Variants in ADGRV1 observed in about 807,000 individuals in gnomAD.
ADGRV1 encodes the protein G-protein coupled receptor 98.
Under a neutral mutation model 596.2 loss-of-function variants are expected in ADGRV1, and 359 were observed. The observed-to-expected ratio is 0.60, with a 90% CI of 0.55 to 0.66. The LOEUF (loss-of-function observed/expected upper bound fraction) is 0.66. Ranked by LOEUF, ADGRV1 falls within the 30% of genes least tolerant of loss-of-function variation. The pLI is 0.00. For synonymous variants in ADGRV1, 2,681 were observed against 2,679.2 expected (o/e 1.00, Z -0.02); for missense variants, 7,274 against 7,575.6 (o/e 0.96, Z 1.48).
chr5:90,980,391 A>C (rs1376248632), intron 84 of ADGRV1, among the ~76,000 whole-genome samples: 1 of 152,184 alleles, frequency 6.6e-6, no homozygotes, highest in Non-Finnish European at 1.5e-5. Context: ...TGTTTAAATG[A>C]CCTTAATGCT....
At position 90,704,216 on chromosome 5, in the gene ADGRV1, A is replaced by T. The variant is rs537233617; in HGVS notation, c.8287-173A>T. On this transcript the variant is annotated intron_variant, in intron 35 of 89. Coordinates refer to ENST00000405460, the MANE Select transcript of ADGRV1 (RefSeq NM_032119.4). ...CCACAATTAGCCCCTGTCTGCTTGG[A>T]GCTTAGGTTCCCATGTGTCAGTGGT... Among the ~76,000 whole-genome samples, 53 of 152,208 alleles carry T rather than the reference A, an allele frequency of 3.5e-4. No homozygotes were observed. The South Asian group carries it at 0.011, about 31-fold the overall frequency.
intron 26 of ADGRV1, among the ~76,000 whole-genome samples, chr5:90,679,963 T>C (rs17544471): frequency 0.059 from 9,057 of 152,294 alleles, 361 homozygotes; most frequent in South Asian, 0.13. Context: ...ACATTTTACA[T>C]AGCTTTGAAT....
intron 86 of ADGRV1, among the ~76,000 whole-genome samples, chr5:91,090,458 C>T (rs1307964244): frequency 6.6e-6 from 1 of 152,022 alleles, no homozygotes; most frequent in East Asian, 1.9e-4. Flanking sequence ...AGACCTGACA[C>T]TGGACTGTCT....
intron 83 of ADGRV1, among the ~76,000 whole-genome samples, chr5:90,893,535 G>A (rs183057354): frequency 1.3e-5 from 2 of 152,220 alleles, no homozygotes; most frequent in Non-Finnish European, 2.9e-5. Flanking sequence ...CAAACTATTC[G>A]ACAAGTTTTA....
intron 59 of ADGRV1, among the ~76,000 whole-genome samples, chr5:90,765,776 C>T (rs1408358312): frequency 6.6e-6 from 1 of 151,900 alleles, no homozygotes; most frequent in Non-Finnish European, 1.5e-5. Flanking sequence ...GCGATCATAG[C>T]TCACTGAAGC....
At chr5:90,765,413 G>A (rs1756995991) in intron 59 of ADGRV1, among the ~76,000 whole-genome samples, 1 of 147,428 alleles carries the variant, frequency 6.8e-6, no homozygotes, top group Non-Finnish European at 1.5e-5. Flanking sequence ...TGCATGATGG[G>A]GGGAAAAATC....
chr5:90,767,674 C>CT (rs112354620), intron 59 of ADGRV1, among the ~76,000 whole-genome samples: 11,983 of 142,248 alleles, frequency 0.084, 755 homozygotes, highest in East Asian at 0.28. Flanking sequence ...CCATGTCTTA[C>CT]TTTTTTTTTT....
chr5:90,791,467 G>C, intron 70 of ADGRV1, 121 bp downstream of exon 70: 3 of 714,260 alleles, frequency 4.2e-6, no homozygotes, highest in Non-Finnish European at 4.5e-6. Flanking sequence ...ACAAAAAAAT[G>C]CCCTCGAAAA....
intron 75 of ADGRV1, among the ~76,000 whole-genome samples, chr5:90,817,166 T>C (rs1171704282): frequency 2.5e-4 from 38 of 151,838 alleles, no homozygotes; most frequent in Admixed American, 5.9e-4. Context: ...TGGCCAGTGA[T>C]GATGAGCATT....
At chr5:90,706,100 A>C (rs772435468) in intron 37 of ADGRV1, 131 bp from the exon 38 acceptor site, 2 of 658,870 alleles carry the variant, frequency 3.0e-6, no homozygotes, top group Admixed American at 3.1e-5. Flanking sequence ...TGGATATAGG[A>C]AGGGGTGAGG....
intron 55 of ADGRV1, among the ~76,000 whole-genome samples, chr5:90,755,546 A>T (rs1755743510): frequency 6.6e-6 from 1 of 151,976 alleles, no homozygotes; most frequent in South Asian, 2.1e-4. Context: ...GGTTATTTTT[A>T]TTATTCATTT....
At chr5:91,056,225 T>C (rs1420029665) in intron 85 of ADGRV1, among the ~76,000 whole-genome samples, 1 of 152,190 alleles carries the variant, frequency 6.6e-6, no homozygotes, top group Non-Finnish European at 1.5e-5. Flanking sequence ...CAGTTTTCAG[T>C]GCATCTCATC....
rs1378142234 is a variant in ADGRV1 at position 90,675,230 on chromosome 5, T to G, written c.5111-13T>G. On this transcript the variant is annotated splice_polypyrimidine_tract_variant and intron_variant, in intron 23 of 89. Transcript: ENST00000405460. ...TCATTGGGACAATGCCCTGGCCCCTTTGTCTCCACTAGGCTTGCTGCAGTT... is the reference window on the plus strand; with the variant it reads ...TCATTGGGACAATGCCCTGGCCCCTGTGTCTCCACTAGGCTTGCTGCAGTT... 1 of 1,610,030 alleles carries G rather than the reference T, an allele frequency of 6.2e-7. No homozygotes were observed. The highest frequency in any genetic ancestry group is 1.3e-5 in the African/African-American group (1 of 74,938).
chr5:90,572,914 G>A (rs1343677151), intron 1 of ADGRV1, among the ~76,000 whole-genome samples: 1 of 152,102 alleles, frequency 6.6e-6, no homozygotes, highest in Non-Finnish European at 1.5e-5. Context: ...AGGAAGGGTG[G>A]ATAAAACAGA....
intron 87 of ADGRV1, among the ~76,000 whole-genome samples, chr5:91,133,280 T>C (rs1794364179): frequency 6.6e-6 from 1 of 152,192 alleles, no homozygotes; most frequent in African/African-American, 2.4e-5. Context: ...GACTTGGTGA[T>C]AGATTGGACT....
chr5:90,760,364 T>G (rs557169457), intron 58 of ADGRV1, among the ~76,000 whole-genome samples: 2 of 152,242 alleles, frequency 1.3e-5, no homozygotes, highest in Non-Finnish European at 2.9e-5. Context: ...TCTATTGAAT[T>G]AAGGGCCAAT....
At chr5:90,786,268 G>A (rs1048268445) in intron 67 of ADGRV1, among the ~76,000 whole-genome samples, 5 of 151,902 alleles carry the variant, frequency 3.3e-5, no homozygotes, top group African/African-American at 9.7e-5. Context: ...GGGGCTAGGG[G>A]AGAGATAACA....
chr5:90,664,088 C>T lies in ADGRV1; in HGVS notation c.4752+5810C>T, dbSNP rs1287852625. Among the ~76,000 whole-genome samples, 607 of 145,258 alleles carry T rather than the reference C, an allele frequency of 4.2e-3. 2 individuals are homozygous for T. The highest frequency in any genetic ancestry group is 0.01 in the South Asian group (46 of 4,382). ...TTGTTTTGGCTTAGGATTGCCTTGG[C>T]GATGCGGGCTCTTTTTTGGTTCCAT... is the stretch of plus-strand genomic sequence containing the variant. On this transcript the variant is annotated intron_variant, in intron 21 of 89. Transcript: ENST00000405460.
At chr5:90,790,797 A>G in intron 69 of ADGRV1, 76 bp from the exon 70 acceptor site, 2 of 967,536 alleles carry the variant, frequency 2.1e-6, no homozygotes, top group South Asian at 3.4e-5. Context: ...TATTATAGAG[A>G]AAAACATAAT....
Sources: gnomAD v4.1 joint callset for allele counts (sites outside exome capture counted in the v4.1 genomes callset) on GRCh38, gnomAD v4.1.1 for gene constraint, MANE v1.5 for transcripts, NCBI Gene and HGNC (gene_info 2026-07-23, HGNC 2026-07-21) for gene names.